Variants in SLC9A9 observed in about 807,000 individuals in gnomAD.
The protein encoded by SLC9A9 is solute carrier family 9 member A9.
In SLC9A9, 62 loss-of-function variants were observed where a neutral mutation model predicts 77.8. That is an observed-to-expected ratio of 0.80 (90% confidence interval 0.65 to 0.98). SLC9A9 has a LOEUF of 0.98. SLC9A9 is among the 50% of genes least tolerant of loss of function. The pLI is 0.00. For synonymous variants in SLC9A9, 320 were observed against 283.5 expected, an observed-to-expected ratio of 1.13 and a Z score of -1.29; for missense variants, 775 against 774.9, an observed-to-expected ratio of 1.00 and a Z score of 0.00.
intron 11 of SLC9A9, among the ~76,000 whole-genome samples, chr3:143,489,545 A>C (rs762301376): frequency 6.6e-5 from 10 of 152,030 alleles, no homozygotes; most frequent in Non-Finnish European, 1.0e-4. Context: ...TGGATAAAAA[A>C]ATGTAAGGCC....
chr3:143,295,717 A>C (rs540148302), intron 14 of SLC9A9, among the ~76,000 whole-genome samples: 56 of 152,076 alleles, frequency 3.7e-4, no homozygotes, highest in Middle Eastern at 3.4e-3. Flanking sequence ...CTTGTAGGTC[A>C]TTTCTCCCTT....
intron 2 of SLC9A9, among the ~76,000 whole-genome samples, chr3:143,821,301 T>C (rs1365395775): frequency 6.6e-6 from 1 of 152,250 alleles, no homozygotes; most frequent in Admixed American, 6.5e-5. Context: ...TAGACTAATA[T>C]TTATAACTTG....
intron 6 of SLC9A9, among the ~76,000 whole-genome samples, chr3:143,595,412 TC>T (rs2037737080): frequency 6.6e-6 from 1 of 152,238 alleles, no homozygotes; most frequent in Non-Finnish European, 1.5e-5. Context: ...TGCTTTGACT[TC>T]TTATGAAGAG....
intron 12 of SLC9A9, among the ~76,000 whole-genome samples, chr3:143,422,267 T>C (rs1490965245): frequency 2.0e-5 from 3 of 152,082 alleles, no homozygotes; most frequent in Non-Finnish European, 4.4e-5. Context: ...CAAAGGAAAA[T>C]AAATTGTTCT....
intron 6 of SLC9A9, among the ~76,000 whole-genome samples, chr3:143,614,330 A>C (rs1365203031): frequency 1.3e-5 from 2 of 152,150 alleles, no homozygotes; most frequent in Non-Finnish European, 2.9e-5. Context: ...CTTGCTATGC[A>C]TCATTTGGCA....
chr3:143,756,824 C>G (rs1390345200), intron 4 of SLC9A9, among the ~76,000 whole-genome samples: 1 of 152,124 alleles, frequency 6.6e-6, no homozygotes, highest in African/African-American at 2.4e-5. Flanking sequence ...TTTGGTTTAT[C>G]CAAAGAAGCA....
intron 12 of SLC9A9, among the ~76,000 whole-genome samples, chr3:143,408,698 G>A (rs934647025): frequency 6.6e-6 from 1 of 152,154 alleles, no homozygotes; most frequent in African/African-American, 2.4e-5. Flanking sequence ...TTAAAAGTAT[G>A]TTTTCAGCTA....
At chr3:143,291,782 T>C (rs1313246890) in intron 14 of SLC9A9, among the ~76,000 whole-genome samples, 1 of 152,228 alleles carries the variant, frequency 6.6e-6, no homozygotes, top group African/African-American at 2.4e-5. Flanking sequence ...ATTGATTACA[T>C]GTTACAGAAT....
chr3:143,317,688 ATTTTCCTTAT>A (rs2031263237), intron 14 of SLC9A9, among the ~76,000 whole-genome samples: 1 of 43,022 alleles, frequency 2.3e-5, no homozygotes. Context: ...TCTATGTTCC[ATTTTCCTTAT>A]GTATTTCTCA....
chr3:143,283,693 A>G (rs1486224072), intron 14 of SLC9A9, among the ~76,000 whole-genome samples: 2 of 152,210 alleles, frequency 1.3e-5, no homozygotes, highest in Non-Finnish European at 2.9e-5. Flanking sequence ...CAAAGCCTTC[A>G]CTGGCTGAGG....
chr3:143,539,021 A>C (rs1489114062), intron 9 of SLC9A9, among the ~76,000 whole-genome samples: 3 of 152,204 alleles, frequency 2.0e-5, no homozygotes, highest in Non-Finnish European at 2.9e-5. Context: ...CAAGGAAAAG[A>C]AACCTGTTTT....
chr3:143,607,990 A>G (rs1419113854), intron 6 of SLC9A9, among the ~76,000 whole-genome samples: 1 of 152,190 alleles, frequency 6.6e-6, no homozygotes, highest in African/African-American at 2.4e-5. Context: ...TACTGAAAAA[A>G]TGACAACACC....
intron 6 of SLC9A9, among the ~76,000 whole-genome samples, chr3:143,613,648 C>A (rs2038054677): frequency 6.6e-6 from 1 of 151,734 alleles, no homozygotes. Context: ...TCTTTCCTCT[C>A]TTCTCACTGA....
intron 12 of SLC9A9, among the ~76,000 whole-genome samples, chr3:143,442,250 A>G (rs551348799): frequency 6.6e-6 from 1 of 152,358 alleles, no homozygotes; most frequent in Middle Eastern, 3.4e-3. Flanking sequence ...GAAAGGACTC[A>G]TGTACTGTTA....
At chr3:143,829,610 C>A (rs1015050604) in intron 2 of SLC9A9, among the ~76,000 whole-genome samples, 1 of 152,114 alleles carries the variant, frequency 6.6e-6, no homozygotes, top group Non-Finnish European at 1.5e-5. Flanking sequence ...ATCCATTATA[C>A]GTTGGTCTTA....
At chr3:143,622,173 C>T (rs1471739431) in intron 6 of SLC9A9, among the ~76,000 whole-genome samples, 2 of 152,168 alleles carry the variant, frequency 1.3e-5, no homozygotes, top group African/African-American at 2.4e-5. Flanking sequence ...AGAATGGAAC[C>T]AAGTTGGAAA....
At chr3:143,650,767 A>G (rs765279558) in intron 6 of SLC9A9, among the ~76,000 whole-genome samples, 1 of 152,200 alleles carries the variant, frequency 6.6e-6, no homozygotes, top group Non-Finnish European at 1.5e-5. Flanking sequence ...TTATTAAGAC[A>G]TTATGAAGAC....
intron 6 of SLC9A9, among the ~76,000 whole-genome samples, chr3:143,651,787 G>A (rs1273781492): frequency 1.3e-5 from 2 of 152,184 alleles, no homozygotes; most frequent in East Asian, 3.9e-4. Context: ...TTTTAAAGAT[G>A]TATGCATTCC....
chr3:143,454,228 A>G (rs1009084038), intron 12 of SLC9A9, among the ~76,000 whole-genome samples: 4 of 152,196 alleles, frequency 2.6e-5, no homozygotes, highest in African/African-American at 4.8e-5. Context: ...TACACTGCTA[A>G]AGTGATTTAC....
Sources: allele counts gnomAD v4.1 joint callset (sites outside exome capture counted in the v4.1 genomes callset), GRCh38; gene constraint gnomAD v4.1.1; transcripts MANE v1.5; gene names NCBI Gene and HGNC (gene_info 2026-07-23, HGNC 2026-07-21).